The following FCHSD2 variants were observed in gnomAD, a reference collection of about 807,000 sequenced individuals.
The protein encoded by FCHSD2 is FCH and double SH3 domains 2, also known as F-BAR and double SH3 domains protein 2.
Under a neutral mutation model 108.1 loss-of-function variants are expected in FCHSD2, and 38 were observed. The observed-to-expected ratio is 0.35, with a 90% confidence interval of 0.27 to 0.46. The LOEUF is 0.46. FCHSD2 is among the 20% of genes least tolerant of loss of function. The pLI is 1.00. For missense variants in FCHSD2, 751 were observed against 897.8 expected, an observed-to-expected ratio of 0.84 and a Z score of 2.09; for synonymous variants, 279 against 314.7, an observed-to-expected ratio of 0.89 and a Z score of 1.20.
At chr11:72,885,886 G>A (rs1009481998) in intron 12 of FCHSD2, among the ~76,000 whole-genome samples, 2 of 152,176 alleles carry the variant, frequency 1.3e-5, no homozygotes, top group Non-Finnish European at 1.5e-5. Flanking sequence ...TATGGTGGCT[G>A]TCAATTAGAC....
intron 3 of FCHSD2, among the ~76,000 whole-genome samples, chr11:73,068,369 C>T (rs1342425351): frequency 2.1e-5 from 3 of 145,114 alleles, no homozygotes; most frequent in Admixed American, 7.0e-5. Context: ...GTTGGGGGGG[C>T]GGAGAGAGAG....
chr11:73,141,217 G>C (rs1408762089), intron 1 of FCHSD2: 4 of 152,486 alleles, frequency 2.6e-5, no homozygotes, highest in Non-Finnish European at 4.4e-5. Context: ...CACACCCCAC[G>C]CACCTCCCGG....
intron 2 of FCHSD2, among the ~76,000 whole-genome samples, chr11:73,100,116 C>T (rs1860186751): frequency 6.6e-6 from 1 of 152,180 alleles, no homozygotes; most frequent in Admixed American, 6.5e-5. Flanking sequence ...CTAATCCTCA[C>T]TGGAAACATG....
intron 10 of FCHSD2, among the ~76,000 whole-genome samples, chr11:72,893,123 G>T (rs1440069471): frequency 6.6e-6 from 1 of 151,530 alleles, no homozygotes; most frequent in Non-Finnish European, 1.5e-5. Flanking sequence ...CTCAGCCTCC[G>T]GAGTAACTGG....
At chr11:72,939,616 T>TCC (rs1856374883) in intron 8 of FCHSD2, among the ~76,000 whole-genome samples, 8 of 133,258 alleles carry the variant, frequency 6.0e-5, no homozygotes, top group Non-Finnish European at 1.3e-4. Context: ...TTCCTTTTTT[T>TCC]TTTTTTTTTT....
intron 12 of FCHSD2, among the ~76,000 whole-genome samples, chr11:72,868,335 C>T (rs1854776030): frequency 6.6e-6 from 1 of 152,042 alleles, no homozygotes; most frequent in South Asian, 2.1e-4. Flanking sequence ...GAGAACAACA[C>T]ACACTGGGGC....
chr11:73,065,160 T>C (rs75058813), intron 3 of FCHSD2, among the ~76,000 whole-genome samples: 4 of 152,200 alleles, frequency 2.6e-5, no homozygotes, highest in Non-Finnish European at 4.4e-5. Context: ...TTATCCACCA[T>C]GATCAAATCA....
At chr11:72,901,302 T>C (rs1855521198) in intron 10 of FCHSD2, among the ~76,000 whole-genome samples, 1 of 39,264 alleles carries the variant, frequency 2.5e-5, no homozygotes, top group African/African-American at 1.1e-4. Flanking sequence ...GAGGCTGATG[T>C]GGGAGGATCA....
intron 3 of FCHSD2, among the ~76,000 whole-genome samples, chr11:73,059,803 T>C (rs539993940): frequency 6.6e-6 from 1 of 152,120 alleles, no homozygotes; most frequent in African/African-American, 2.4e-5. Flanking sequence ...CCCAAGACAA[T>C]GAAAACCCAC....
chr11:72,917,701 C>G (rs1373074317), intron 9 of FCHSD2, among the ~76,000 whole-genome samples: 1 of 152,190 alleles, frequency 6.6e-6, no homozygotes, highest in Non-Finnish European at 1.5e-5. Flanking sequence ...GCCTGGCTAA[C>G]ATGACGAAAC....
intron 4 of FCHSD2, among the ~76,000 whole-genome samples, chr11:73,003,746 A>G (rs1857676822): frequency 1.3e-5 from 2 of 151,258 alleles, no homozygotes; most frequent in Non-Finnish European, 2.9e-5. Flanking sequence ...TCGGCCTCCC[A>G]AAGTGCTGGG....
intron 8 of FCHSD2, among the ~76,000 whole-genome samples, chr11:72,961,067 C>T (rs1856810165): frequency 1.3e-5 from 2 of 152,158 alleles, no homozygotes; most frequent in Admixed American, 6.5e-5. Flanking sequence ...ACTGCTCAAA[C>T]CTAATGCTTT....
At chr11:73,025,291 T>C (rs990232769) in intron 3 of FCHSD2, among the ~76,000 whole-genome samples, 2 of 152,176 alleles carry the variant, frequency 1.3e-5, no homozygotes, top group African/African-American at 4.8e-5. Context: ...ATATATACCA[T>C]GGAGTACTAT....
intron 8 of FCHSD2, among the ~76,000 whole-genome samples, chr11:72,946,162 A>G (rs1408052351): frequency 1.3e-5 from 2 of 152,192 alleles, no homozygotes; most frequent in Non-Finnish European, 2.9e-5. Context: ...TCCAACAATG[A>G]TAGACTGGAT....
At chr11:73,032,453 T>C (rs1363871629) in intron 3 of FCHSD2, among the ~76,000 whole-genome samples, 1 of 152,172 alleles carries the variant, frequency 6.6e-6, no homozygotes, top group Non-Finnish European at 1.5e-5. Flanking sequence ...CTCAAACTCC[T>C]GGCCTTAAGT....
chr11:72,866,262 T>C (rs1565295566), intron 13 of FCHSD2, among the ~76,000 whole-genome samples: 1 of 43,070 alleles, frequency 2.3e-5, no homozygotes, highest in Non-Finnish European at 5.9e-5. Context: ...CTGTTTTTTG[T>C]TTTGTTTTGT....
intron 2 of FCHSD2, among the ~76,000 whole-genome samples, chr11:73,127,928 T>C (rs1034189328): frequency 2.0e-5 from 3 of 149,862 alleles, no homozygotes; most frequent in African/African-American, 7.4e-5. Flanking sequence ...AAGCACCGTC[T>C]CTACTAAAAA....
At chr11:73,104,263 A>G (rs1017159883) in intron 2 of FCHSD2, among the ~76,000 whole-genome samples, 38 of 152,356 alleles carry the variant, frequency 2.5e-4, no homozygotes, top group African/African-American at 7.7e-4. Flanking sequence ...AAGATGGTAC[A>G]AACTTTACTT....
chr11:72,957,019 CTT>C (rs76815220), intron 8 of FCHSD2, among the ~76,000 whole-genome samples: 3,842 of 145,758 alleles, frequency 0.026, 128 homozygotes, highest in African/African-American at 0.085. Flanking sequence ...GGACTCTAGT[CTT>C]TTTTTTTTTT....
Sources: allele counts gnomAD v4.1 joint callset (sites outside exome capture counted in the v4.1 genomes callset), GRCh38; gene constraint gnomAD v4.1.1; transcripts MANE v1.5; gene names NCBI Gene and HGNC (gene_info 2026-07-23, HGNC 2026-07-21).